Variants in BLMH observed in about 807,000 individuals in gnomAD.
The protein encoded by BLMH is BLM hydrolase.
Under a neutral mutation model 61.6 loss-of-function variants are expected in BLMH, and 32 were observed. The observed-to-expected ratio is 0.52, with a 90% confidence interval of 0.39 to 0.70. The LOEUF (loss-of-function observed/expected upper bound fraction) is 0.70. Ranked by LOEUF, BLMH falls within the 30% of genes least tolerant of loss-of-function variation. BLMH has a pLI of 0.00. For synonymous variants in BLMH, 183 were observed against 193.8 expected (o/e 0.94, Z 0.46); for missense variants, 460 against 555.5 (o/e 0.83, Z 1.73).
chr17:30,269,658 GT>G (rs574518048), intron 10 of BLMH, among the ~76,000 whole-genome samples: 2 of 152,092 alleles, frequency 1.3e-5, no homozygotes, highest in Non-Finnish European at 1.5e-5. Context: ...CTAAAAACCT[GT>G]TTCTTGGTGT....
At chr17:30,265,524 A>C (rs891654388) in intron 11 of BLMH, among the ~76,000 whole-genome samples, 1 of 152,188 alleles carries the variant, frequency 6.6e-6, no homozygotes, top group Non-Finnish European at 1.5e-5. Context: ...AAGAGTTGCT[A>C]AAATTTCTTT....
chr17:30,252,185 C>A (rs1032026466), intron 11 of BLMH: 3 of 152,120 alleles, frequency 2.0e-5, no homozygotes, highest in Admixed American at 6.5e-5. Context: ...AAAGATCACA[C>A]TTTGAGAACT....
chr17:30,256,165 G>A (rs565026167), intron 11 of BLMH, among the ~76,000 whole-genome samples: 2 of 152,236 alleles, frequency 1.3e-5, no homozygotes, highest in East Asian at 3.9e-4. Flanking sequence ...GGGGTTACAG[G>A]GGTAAGCCAC....
At chr17:30,271,491 C>T in intron 9 of BLMH, 103 bp from the exon 10 acceptor site, 5 of 801,288 alleles carry the variant, frequency 6.2e-6, no homozygotes, top group Non-Finnish European at 1.1e-5. Flanking sequence ...GGCTCAACAG[C>T]TCCAAATAAA....
intron 6 of BLMH, among the ~76,000 whole-genome samples, chr17:30,276,841 T>C (rs2143023607): frequency 6.6e-6 from 1 of 152,366 alleles, no homozygotes; most frequent in Middle Eastern, 3.4e-3. Flanking sequence ...GGAGGTTCTC[T>C]GGCTCCTTTG....
chr17:30,282,383 T>C (rs1205137000), intron 6 of BLMH, among the ~76,000 whole-genome samples: 1 of 152,014 alleles, frequency 6.6e-6, no homozygotes, highest in African/African-American at 2.4e-5. Context: ...TGCCCAGATG[T>C]TTTTTTCGTA....
At chr17:30,259,047 C>T (rs897717545) in intron 11 of BLMH, among the ~76,000 whole-genome samples, 5 of 152,152 alleles carry the variant, frequency 3.3e-5, no homozygotes, top group African/African-American at 1.2e-4. Flanking sequence ...TTGAAGAATC[C>T]CTAAGGAGGC....
intron 11 of BLMH, among the ~76,000 whole-genome samples, chr17:30,266,551 A>C (rs1322139743): frequency 6.6e-6 from 1 of 151,614 alleles, no homozygotes; most frequent in African/African-American, 2.4e-5. Context: ...AAAAAAAAAG[A>C]AAAAGAAAAT....
intron 6 of BLMH, among the ~76,000 whole-genome samples, chr17:30,283,174 A>G (rs558980608): frequency 2.0e-4 from 30 of 152,264 alleles, no homozygotes; most frequent in African/African-American, 5.8e-4. Context: ...AGGGGGAAAA[A>G]ACCCTTACAC....
At chr17:30,279,263 A>G (rs1481595989) in intron 6 of BLMH, among the ~76,000 whole-genome samples, 1 of 152,202 alleles carries the variant, frequency 6.6e-6, no homozygotes, top group African/African-American at 2.4e-5. Context: ...TATGAGTCCC[A>G]GAGTATAAAG....
chr17:30,287,039 G>T, intron 4 of BLMH, 137 bp from the exon 5 acceptor site: 1 of 592,092 alleles, frequency 1.7e-6, no homozygotes, highest in Non-Finnish European at 2.9e-6. Context: ...ATGAAGCAGG[G>T]TTTTTTGTTT....
At chr17:30,266,449 C>T (rs1321604075) in intron 11 of BLMH, among the ~76,000 whole-genome samples, 2 of 145,536 alleles carry the variant, frequency 1.4e-5, no homozygotes, top group Admixed American at 7.1e-5. Flanking sequence ...GGCGTGAACC[C>T]GGGAGGTGGA....
chr17:30,258,581 T>A (rs1392152232), intron 11 of BLMH, among the ~76,000 whole-genome samples: 2 of 152,080 alleles, frequency 1.3e-5, no homozygotes, highest in African/African-American at 4.8e-5. Flanking sequence ...AGCAGAAGTG[T>A]CCACAGCCTG....
At chr17:30,268,080 T>C (rs1597660930) in intron 10 of BLMH, among the ~76,000 whole-genome samples, 1 of 152,250 alleles carries the variant, frequency 6.6e-6, no homozygotes, top group Non-Finnish European at 1.5e-5. Context: ...CATATCGTTA[T>C]ATACTATACA....
intron 11 of BLMH, among the ~76,000 whole-genome samples, chr17:30,253,579 C>T (rs1169821615): frequency 6.6e-6 from 1 of 152,152 alleles, no homozygotes; most frequent in East Asian, 1.9e-4. Flanking sequence ...AGCAAAGCAC[C>T]GGCTCAGGCA....
At chr17:30,288,243 T>C in intron 3 of BLMH, 1 of 278,324 alleles carries the variant, frequency 3.6e-6, no homozygotes, top group Non-Finnish European at 6.9e-6. Flanking sequence ...TCAGAATATC[T>C]GAAGTTTCTT....
chr17:30,253,513 C>G (rs747379563), intron 11 of BLMH, among the ~76,000 whole-genome samples: 24 of 152,070 alleles, frequency 1.6e-4, no homozygotes, highest in Non-Finnish European at 3.2e-4. Flanking sequence ...CACTGTGTGT[C>G]TTGGAGTTTG....
intron 11 of BLMH, among the ~76,000 whole-genome samples, chr17:30,263,037 C>A (rs1226189368): frequency 2.6e-5 from 4 of 152,146 alleles, no homozygotes. Context: ...ATAACATCTC[C>A]AGGTCCTTCA....
chr17:30,253,907 T>C (rs972250626), intron 11 of BLMH, among the ~76,000 whole-genome samples: 1 of 152,190 alleles, frequency 6.6e-6, no homozygotes, highest in Admixed American at 6.5e-5. Context: ...CGTTTCTGTA[T>C]TTTGTAACAG....
Sources: allele counts gnomAD v4.1 joint callset (sites outside exome capture counted in the v4.1 genomes callset), GRCh38; gene constraint gnomAD v4.1.1; transcripts MANE v1.5; gene names NCBI Gene and HGNC (gene_info 2026-07-23, HGNC 2026-07-21).